KANSL1L: variants seen among roughly 807,000 people sequenced by gnomAD.
KANSL1L encodes the protein KAT8 regulatory NSL complex subunit 1-like protein.
KANSL1L carries 25 observed loss-of-function variants against 108.6 expected under a neutral mutation model. The observed-to-expected ratio is 0.23, with a 90% confidence interval of 0.17 to 0.32. The LOEUF (loss-of-function observed/expected upper bound fraction) is 0.32, where lower values mean the gene tolerates loss of function less well. Ranked by LOEUF, KANSL1L falls within the 10% of genes least tolerant of loss-of-function variation. KANSL1L has a pLI of 1.00. For missense variants in KANSL1L, 1,137 were observed against 1,125.7 expected (o/e 1.01, Z -0.14); for synonymous variants, 405 against 395.1 (o/e 1.03, Z -0.30).
intron 6 of KANSL1L, among the ~76,000 whole-genome samples, chr2:210,052,001 C>CTTTT (rs546815241): frequency 7.4e-6 from 1 of 134,402 alleles, no homozygotes; most frequent in Non-Finnish European, 1.6e-5. Flanking sequence ...TTCTTCTTTC[C>CTTTT]TTTTTTTTTT....
At chr2:210,120,874 C>T (rs954729946) in intron 3 of KANSL1L, among the ~76,000 whole-genome samples, 3 of 151,934 alleles carry the variant, frequency 2.0e-5, no homozygotes, top group African/African-American at 2.4e-5. Context: ...GACATACATG[C>T]GGCCAAAAAT....
intron 8 of KANSL1L, among the ~76,000 whole-genome samples, chr2:210,037,963 T>A (rs962832117): frequency 1.3e-5 from 2 of 152,086 alleles, no homozygotes; most frequent in African/African-American, 4.8e-5. Context: ...GATATAACAA[T>A]AAATATTTCT....
At chr2:210,139,251 A>G (rs1403470390) in intron 2 of KANSL1L, among the ~76,000 whole-genome samples, 1 of 152,246 alleles carries the variant, frequency 6.6e-6, no homozygotes, top group African/African-American at 2.4e-5. Flanking sequence ...GACCATCTCC[A>G]GAACTTATTC....
chr2:210,143,878 C>T (rs190333995), intron 2 of KANSL1L, among the ~76,000 whole-genome samples: 7 of 152,118 alleles, frequency 4.6e-5, no homozygotes, highest in Admixed American at 3.9e-4. Context: ...ATTTATACAC[C>T]ACCATTATTA....
intron 2 of KANSL1L, among the ~76,000 whole-genome samples, chr2:210,139,351 G>GT (rs771682147): frequency 4.0e-4 from 61 of 152,218 alleles, no homozygotes; most frequent in Non-Finnish European, 7.2e-4. Context: ...TTTGGCCACT[G>GT]TAAATGAGTA....
intron 5 of KANSL1L, chr2:210,096,734 A>C (rs1382382012): frequency 1.0e-6 from 1 of 958,948 alleles, no homozygotes; most frequent in African/African-American, 1.8e-5. Flanking sequence ...AATATGTAAG[A>C]ATCTTTACGT....
chr2:210,028,937 G>T lies in KANSL1L; in HGVS notation c.2304C>A (p.Ser768Arg). 1 of 1,609,700 alleles carries T rather than the reference G, an allele frequency of 6.2e-7. No homozygotes were observed. The highest frequency in any genetic ancestry group is 8.5e-7 in the Non-Finnish European group (1 of 1,176,800). Residue 768 changes from serine to arginine, a missense_variant, in exon 11 of 15, where the codon AGC becomes AGA. Around this residue, in one of 3 missense-constraint regions of KANSL1L, gnomAD observed 575 missense variants for 567.1 expected, o/e 1.01. Coordinates refer to ENST00000281772, the MANE Select transcript of KANSL1L (RefSeq NM_152519.4). ...NTARRRLRSE[S>R]SYDIDNIVIP... ...TCACAATGTTATCTATGTCATAAGA[G>T]CTCTCACTTCTCAATCTCCGTCGTG...
At chr2:210,102,326 TA>T (rs1474371545) in intron 4 of KANSL1L, among the ~76,000 whole-genome samples, 3 of 152,152 alleles carry the variant, frequency 2.0e-5, no homozygotes, top group African/African-American at 7.2e-5. Context: ...CAAGATGGAT[TA>T]AAGACTTAAA....
chr2:210,054,390 G>T (rs1437883403), intron 6 of KANSL1L, among the ~76,000 whole-genome samples: 1 of 150,912 alleles, frequency 6.6e-6, no homozygotes, highest in African/African-American at 2.4e-5. Context: ...TGGCAAAAAA[G>T]CCCAAAATTT....
chr2:210,153,045 A>T (rs912123124), intron 2 of KANSL1L: 12 of 153,586 alleles, frequency 7.8e-5, no homozygotes, highest in Admixed American at 6.5e-4. Context: ...AAAATTCAAC[A>T]AAAGTTTTAT....
intron 1 of KANSL1L, among the ~76,000 whole-genome samples, chr2:210,158,375 T>G (rs2095344790): frequency 6.6e-6 from 1 of 152,170 alleles, no homozygotes; most frequent in Admixed American, 6.5e-5. Flanking sequence ...GTGAGTGATC[T>G]GAGAAACAGA....
At position 210,040,464 on chromosome 2, in the gene KANSL1L, G is replaced by T. The variant is rs116456333; in HGVS notation, c.1985C>A (p.Ala662Asp). ...ATATTCATCTACAAATTTATTTTCA[G>T]CAAGATTGCCTTTTATTTCAGTCTT... is the stretch of plus-strand genomic sequence containing the variant. ...LKKTEIKGNL[A>D]ENKFVDEYII... Residue 662 changes from alanine to aspartate, a missense_variant, in exon 8 of 15, where the codon GCT (alanine) becomes GAT (aspartate). By Grantham distance (126) the Ala-to-Asp change is moderately radical. This residue lies in a region of KANSL1L where 575 missense variants were observed against 567.1 expected (regional missense o/e 1.01). Coordinates refer to ENST00000281772, the MANE Select transcript of KANSL1L (RefSeq NM_152519.4). 3,367 of 1,567,510 alleles carry T rather than the reference G, an allele frequency of 2.1e-3. 71 individuals are homozygous for T. The African/African-American group carries it at 0.041, about 19-fold the overall frequency.
At chr2:210,050,344 T>A (rs2094276631) in intron 6 of KANSL1L, among the ~76,000 whole-genome samples, 1 of 152,182 alleles carries the variant, frequency 6.6e-6, no homozygotes, top group African/African-American at 2.4e-5. Flanking sequence ...ATAAATGGTC[T>A]AAGCACTTCT....
chr2:210,092,417 C>T (rs906206414), intron 5 of KANSL1L, among the ~76,000 whole-genome samples: 2 of 152,178 alleles, frequency 1.3e-5, no homozygotes, highest in East Asian at 1.9e-4. Context: ...CACACATTCT[C>T]TCTTCAACTG....
intron 8 of KANSL1L, among the ~76,000 whole-genome samples, chr2:210,039,902 T>C (rs2094145805): frequency 6.6e-6 from 1 of 151,874 alleles, no homozygotes; most frequent in Admixed American, 6.5e-5. Context: ...TTTACTTCAT[T>C]GATCTATTTT....
chr2:210,093,699 A>T (rs2094711897), intron 5 of KANSL1L, among the ~76,000 whole-genome samples: 1 of 152,216 alleles, frequency 6.6e-6, no homozygotes, highest in Non-Finnish European at 1.5e-5. Flanking sequence ...TTAAAAATAG[A>T]ATTATCACAT....
intron 8 of KANSL1L, among the ~76,000 whole-genome samples, chr2:210,039,567 A>T (rs1264952357): frequency 6.6e-6 from 1 of 151,890 alleles, no homozygotes; most frequent in Admixed American, 6.6e-5. Context: ...TCTTAAATTT[A>T]TATGACTTTT....
chr2:210,064,817 CAA>C (rs1168784210), intron 6 of KANSL1L, among the ~76,000 whole-genome samples: 8 of 42,228 alleles, frequency 1.9e-4, no homozygotes, highest in Non-Finnish European at 2.5e-4. Context: ...CCTCCCCCAC[CAA>C]AAAAAAAAAA....
chr2:210,102,431 A>C (rs915773073), intron 4 of KANSL1L, among the ~76,000 whole-genome samples: 2 of 152,330 alleles, frequency 1.3e-5, no homozygotes, highest in South Asian at 4.1e-4. Flanking sequence ...CTAAAACACC[A>C]CAAGCAATGG....
Sources: allele counts gnomAD v4.1 joint callset (sites outside exome capture counted in the v4.1 genomes callset), GRCh38; gene constraint gnomAD v4.1.1; regional missense constraint gnomAD v4.1.1; transcripts MANE v1.5; gene names NCBI Gene and HGNC (gene_info 2026-07-23, HGNC 2026-07-21).